The following KLRG2 variants were observed in gnomAD, a reference collection of about 807,000 sequenced individuals.
The protein encoded by KLRG2 is killer cell lectin-like receptor subfamily G member 2.
In KLRG2, 39 loss-of-function variants were observed where a neutral mutation model predicts 35.4. The observed-to-expected ratio is 1.10, with a 90% confidence interval of 0.85 to 1.44. The LOEUF (loss-of-function observed/expected upper bound fraction) is 1.44, where lower values mean the gene tolerates loss of function less well. Ranked by LOEUF, KLRG2 falls within the 40% of genes most tolerant of loss-of-function variation. KLRG2 has a pLI of 0.00. For missense variants in KLRG2, 632 were observed against 570.9 expected (o/e 1.11, Z -1.09); for synonymous variants, 283 against 265.8 (o/e 1.06, Z -0.63).
chr7:139,471,389 T>C (rs1445413730), intron 3 of KLRG2, among the ~76,000 whole-genome samples: 1 of 151,322 alleles, frequency 6.6e-6, no homozygotes, highest in Non-Finnish European at 1.5e-5. Context: ...CGGCTGGGAG[T>C]GGTGGTTCAC....
intron 3 of KLRG2, among the ~76,000 whole-genome samples, chr7:139,474,818 T>A (rs1796821136): frequency 6.6e-6 from 1 of 152,200 alleles, no homozygotes; most frequent in African/African-American, 2.4e-5. Flanking sequence ...CCACAGTTCC[T>A]GGCTTATAAC....
intron 3 of KLRG2, among the ~76,000 whole-genome samples, chr7:139,462,510 T>TCCAC (rs1277656302): frequency 6.6e-6 from 1 of 152,112 alleles, no homozygotes; most frequent in Non-Finnish European, 1.5e-5. Context: ...TAGGCAAACT[T>TCCAC]CCACCCTCCA....
At chr7:139,478,535 T>C (rs1796896715) in intron 3 of KLRG2, among the ~76,000 whole-genome samples, 1 of 152,066 alleles carries the variant, frequency 6.6e-6, no homozygotes, top group South Asian at 2.1e-4. Context: ...CCAGGTGTGC[T>C]GGCACATGCC....
chr7:139,446,393 G>C, the KLRG2 span, among the ~76,000 whole-genome samples: 2 of 146,306 alleles, frequency 1.4e-5, no homozygotes, highest in African/African-American at 5.1e-5. Flanking sequence ...GCCCAGGCTG[G>C]AGTGCAGTAG....
chr7:139,456,946 C>CA (rs67357903), intron 3 of KLRG2, among the ~76,000 whole-genome samples: 56,380 of 152,032 alleles, frequency 0.37, 13,638 homozygotes, highest in African/African-American at 0.69. Context: ...CAAAAATCAG[C>CA]AGAGCCACAG....
At chr7:139,435,681 A>G in the KLRG2 span, among the ~76,000 whole-genome samples, 1 of 152,040 alleles carries the variant, frequency 6.6e-6, no homozygotes, top group East Asian at 1.9e-4. Flanking sequence ...ACTTTATATA[A>G]ATGGAGTTAT....
chr7:139,449,827 G>A (rs1259722429), downstream of KLRG2, among the ~76,000 whole-genome samples: 2 of 149,810 alleles, frequency 1.3e-5, no homozygotes, highest in African/African-American at 4.9e-5. Context: ...AGCCTCCCGA[G>A]TAGCTGGGAC....
At chr7:139,447,787 T>TGG (rs1173226856), downstream of KLRG2, among the ~76,000 whole-genome samples, 8 of 151,962 alleles carry the variant, frequency 5.3e-5, no homozygotes, top group Non-Finnish European at 8.8e-5. Flanking sequence ...ATAACACAGC[T>TGG]CCAAGAATGT....
intron 4 of KLRG2, among the ~76,000 whole-genome samples, 153 bp downstream of exon 4, chr7:139,453,958 G>T (rs1168788886): frequency 6.6e-6 from 1 of 152,164 alleles, no homozygotes; most frequent in African/African-American, 2.4e-5. Context: ...AGAGTGAAGC[G>T]ACAGGGTCTA....
chr7:139,443,612 A>G, the KLRG2 span, among the ~76,000 whole-genome samples: 1 of 152,158 alleles, frequency 6.6e-6, no homozygotes, highest in Non-Finnish European at 1.5e-5. Flanking sequence ...CCCAGGCTGG[A>G]GTGCAATGGC....
At position 139,483,589 on chromosome 7, in the gene KLRG2, T is replaced by G. The variant is rs1585181602; in HGVS notation, c.54A>C (p.Pro18=). The change falls in exon 1 of 5, where the codon CCA becomes CCC. Residue 18 remains proline, a synonymous_variant. Transcript: ENST00000340940. ...GGACCAGGCTTCCCACGGGCTCCAT[T>G]GGGAGCTCTGCCCCGGCTTGGCCTC... The part of the protein sequence containing the change: ...APGGQAGAEL[P]MEPVGSLVPT... The G allele has an allele frequency of 6.3e-7, 1 of 1,594,976 alleles. No homozygotes were observed. The highest frequency in any genetic ancestry group is 2.2e-5 in the East Asian group (1 of 44,526).
the KLRG2 span, among the ~76,000 whole-genome samples, chr7:139,436,076 A>AT: frequency 6.6e-6 from 1 of 151,642 alleles, no homozygotes; most frequent in African/African-American, 2.4e-5. Flanking sequence ...TAATTTGTGT[A>AT]TTTTTTAGTA....
the KLRG2 span, among the ~76,000 whole-genome samples, chr7:139,431,730 TAGA>T: frequency 3.3e-5 from 5 of 152,158 alleles, no homozygotes; most frequent in African/African-American, 7.2e-5. Context: ...GGGAAGAGAC[TAGA>T]AGAAGTAGAG....
chr7:139,474,786 T>C (rs930351111), intron 3 of KLRG2, among the ~76,000 whole-genome samples: 7 of 151,856 alleles, frequency 4.6e-5, no homozygotes, highest in African/African-American at 1.7e-4. Flanking sequence ...TAAAACAAAA[T>C]AAAATAAAAT....
chr7:139,458,716 G>C (rs980553587), intron 3 of KLRG2, among the ~76,000 whole-genome samples: 3 of 152,198 alleles, frequency 2.0e-5, no homozygotes, highest in Non-Finnish European at 4.4e-5. Context: ...CTCGAGTTCA[G>C]TGTGTGCTGT....
In KLRG2 at chr7:139,461,738, G is replaced by GC. The variant is rs567845596; in HGVS notation, c.1006-7525dup. Among the ~76,000 whole-genome samples, 385 of 151,588 alleles carry GC rather than the reference G, an allele frequency of 2.5e-3. 2 individuals are homozygous for GC. The highest frequency in any genetic ancestry group is 8.5e-3 in the African/African-American group (349 of 41,262). ...CTACCCACCCAAATCTTATAAAGCT[G>GC]CCCCACCCTTATCTCCCTTCGCTGA... On this transcript the variant is annotated intron_variant, in intron 3 of 4. Coordinates refer to ENST00000340940, the MANE Select transcript of KLRG2 (RefSeq NM_198508.4).
chr7:139,431,043 A>T, the KLRG2 span, among the ~76,000 whole-genome samples: 1 of 149,298 alleles, frequency 6.7e-6, no homozygotes, highest in Non-Finnish European at 1.5e-5. Context: ...TTAAATTGTG[A>T]TACATCTCTA....
At chr7:139,455,093 A>G (rs1395506499) in intron 3 of KLRG2, among the ~76,000 whole-genome samples, 1 of 149,950 alleles carries the variant, frequency 6.7e-6, no homozygotes, top group African/African-American at 2.5e-5. Context: ...ATCCTGGCTC[A>G]CTGCAGCCTC....
At chr7:139,438,195 G>A in the KLRG2 span, among the ~76,000 whole-genome samples, 1 of 152,224 alleles carries the variant, frequency 6.6e-6, no homozygotes, top group Non-Finnish European at 1.5e-5. Context: ...GAGATTGGTG[G>A]AGCCGGCCAA....
Sources: allele counts gnomAD v4.1 joint callset (sites outside exome capture counted in the v4.1 genomes callset), GRCh38; gene constraint gnomAD v4.1.1; transcripts MANE v1.5; gene names NCBI Gene and HGNC (gene_info 2026-07-23, HGNC 2026-07-21).